Variants in HGD observed in about 807,000 individuals in gnomAD.
HGD encodes homogentisate oxidase.
In HGD, 61 loss-of-function variants were observed where a neutral mutation model predicts 60.8. The observed-to-expected ratio is 1.00, with a 90% CI of 0.82 to 1.24. The LOEUF (loss-of-function observed/expected upper bound fraction) is 1.24. Ranked by LOEUF, HGD falls within the 50% of genes most tolerant of loss-of-function variation. The probability of loss-of-function intolerance (pLI) is 0.00; values close to 1 mark genes in which losing one functional copy is unlikely to be tolerated. For synonymous variants in HGD, 212 were observed against 187.7 expected (o/e 1.13, Z -1.06); for missense variants, 542 against 547.1 (o/e 0.99, Z 0.09).
intron 4 of HGD, among the ~76,000 whole-genome samples, chr3:120,657,408 G>T (rs1287701791): frequency 6.6e-6 from 1 of 152,112 alleles, no homozygotes; most frequent in African/African-American, 2.4e-5. Context: ...TGAACTAGAT[G>T]ATCCAAGTAT....
intron 6 of HGD, among the ~76,000 whole-genome samples, chr3:120,649,989 A>G (rs185639810): frequency 2.3e-4 from 35 of 152,326 alleles, no homozygotes; most frequent in Non-Finnish European, 3.8e-4. Flanking sequence ...TGGGAAACAA[A>G]TAATCTAAGA....
At chr3:120,658,336 G>T (rs569598483) in intron 4 of HGD, among the ~76,000 whole-genome samples, 10 of 152,274 alleles carry the variant, frequency 6.6e-5, no homozygotes, top group Admixed American at 2.6e-4. Context: ...AGAACAAAGG[G>T]TCTATAGGCC....
Position 120,630,305 on chromosome 3 carries a change from C to T in HGD, c.1189-1776G>A, listed in dbSNP as rs1203343153. On this transcript the variant is annotated intron_variant, in intron 13 of 13. Transcript: ENST00000283871. ...AATTCATATGGAACCAAAAAAGAGC[C>T]CAAATACCCAAGGCTATCCTAAGCA... 2.6e-5 allele frequency among the ~76,000 whole-genome samples: 4 copies of T among 152,048 alleles called. No homozygotes were observed. The East Asian group carries it at 7.7e-4, about 29-fold the overall frequency.
rs750651924 is a variant in HGD at position 120,633,266 on chromosome 3, A to T, written c.1069T>A (p.Phe357Ile). The change falls in exon 13 of 14, where the codon TTC becomes ATC. Residue 357 changes from phenylalanine (F) to isoleucine (I), a missense_variant. Transcript: ENST00000283871. The stretch of plus-strand genomic sequence containing the variant: ...TGTAGACTCCCTCCCCCTGGCAGGA[A>T]CCCACCTTGCTTTGCCTCATAGTGA... ...RGHYEAKQGG[F>I]LPGGGSLHST... is the part of the protein sequence containing the mutation. 2 of 1,614,046 alleles carry T rather than the reference A, an allele frequency of 1.2e-6. No homozygotes were observed. Among genetic ancestry groups the T allele is most frequent in the Middle Eastern group, 1.6e-4 (1 of 6,062 alleles).
intron 4 of HGD, among the ~76,000 whole-genome samples, chr3:120,658,895 G>A (rs976677033): frequency 2.0e-5 from 3 of 152,236 alleles, no homozygotes; most frequent in African/African-American, 7.2e-5. Context: ...GGATCCCTTT[G>A]AGCCACAGGA....
In HGD at chr3:120,670,441, G is replaced by C. The variant is rs1231283437; in HGVS notation, c.268C>G (p.Pro90Ala). The change falls in exon 4 of 14, where the codon CCT (proline) becomes GCT (alanine). Residue 90 changes from proline (P) to alanine (A), a missense_variant. Pro to Ala is a conservative substitution (Grantham distance 27, BLOSUM62 -1). Coordinates refer to ENST00000283871, the MANE Select transcript of HGD (RefSeq NM_000187.4). ...GACCAGGTTACCTGGTTAGGATCAG[G>C]ATCAACTTCATCCCAGTTGTGAGTG... ...QVTHNWDEVDPDPNQLRWKPF... is the reference protein window; with the variant it reads ...QVTHNWDEVDADPNQLRWKPF... The C allele has an allele frequency of 6.3e-7, 1 of 1,582,358 alleles. No homozygotes were observed. The highest frequency in any genetic ancestry group is 8.7e-7 in the Non-Finnish European group (1 of 1,151,242).
At chr3:120,655,227 C>A (rs1298016981) in intron 4 of HGD, among the ~76,000 whole-genome samples, 4 of 152,144 alleles carry the variant, frequency 2.6e-5, no homozygotes, top group Non-Finnish European at 5.9e-5. Flanking sequence ...ACCAGGTCAG[C>A]TGGTCATTTT....
At chr3:120,645,755 A>C (rs951176055) in intron 9 of HGD, among the ~76,000 whole-genome samples, 2 of 152,114 alleles carry the variant, frequency 1.3e-5, no homozygotes, top group Non-Finnish European at 2.9e-5. Flanking sequence ...TTCCCATTTT[A>C]TACAATATGC....
At chr3:120,647,094 T>C in intron 7 of HGD, 42 bp from the exon 8 acceptor site, 1 of 1,473,730 alleles carries the variant, frequency 6.8e-7, no homozygotes, top group Non-Finnish European at 9.5e-7. Flanking sequence ...ATTCTTTTGG[T>C]GTGATAACCA....
At chr3:120,665,361 A>G (rs1707875680) in intron 4 of HGD, among the ~76,000 whole-genome samples, 1 of 152,222 alleles carries the variant, frequency 6.6e-6, no homozygotes, top group African/African-American at 2.4e-5. Flanking sequence ...TCAACAATCA[A>G]GAGGTTAGAA....
intron 6 of HGD, among the ~76,000 whole-genome samples, chr3:120,648,129 G>A (rs1325487536): frequency 6.6e-6 from 1 of 151,958 alleles, no homozygotes; most frequent in Non-Finnish European, 1.5e-5. Flanking sequence ...TTTGCAGACT[G>A]TAATGACCCT....
At chr3:120,670,031 T>G (rs753636247) in intron 4 of HGD, among the ~76,000 whole-genome samples, 10 of 152,166 alleles carry the variant, frequency 6.6e-5, no homozygotes, top group Non-Finnish European at 1.2e-4. Flanking sequence ...ACCCTCATGA[T>G]AGTGAGTTCT....
At chr3:120,670,022 C>T (rs541099870) in intron 4 of HGD, among the ~76,000 whole-genome samples, 4 of 152,168 alleles carry the variant, frequency 2.6e-5, no homozygotes, top group South Asian at 4.1e-4. Flanking sequence ...GGGATGGTTA[C>T]CCTCATGATA....
intron 4 of HGD, among the ~76,000 whole-genome samples, chr3:120,658,002 AG>A (rs1480479217): frequency 6.6e-6 from 1 of 152,168 alleles, no homozygotes; most frequent in African/African-American, 2.4e-5. Flanking sequence ...ACCTCCTGCC[AG>A]GCCCCACCTC....
chr3:120,665,908 C>T (rs1397154958), intron 4 of HGD, among the ~76,000 whole-genome samples: 1 of 152,168 alleles, frequency 6.6e-6, no homozygotes, highest in East Asian at 1.9e-4. Context: ...CAGAGGGTGC[C>T]TAAATATAAT....
chr3:120,674,419 A>G (rs1046351271), intron 3 of HGD, among the ~76,000 whole-genome samples: 2 of 152,190 alleles, frequency 1.3e-5, no homozygotes, highest in Non-Finnish European at 2.9e-5. Context: ...TTCAAACCAC[A>G]GTGGGCCATA....
At chr3:120,668,766 T>C (rs1049154665) in intron 4 of HGD, among the ~76,000 whole-genome samples, 2 of 152,184 alleles carry the variant, frequency 1.3e-5, no homozygotes, top group Non-Finnish European at 2.9e-5. Flanking sequence ...ATCATCCCAT[T>C]TTACAATTGA....
At chr3:120,675,717 G>A (rs1451707223) in intron 2 of HGD, 75 bp downstream of exon 2, 1 of 1,135,236 alleles carries the variant, frequency 8.8e-7, no homozygotes, top group Non-Finnish European at 1.3e-6. Flanking sequence ...ACGGTGGGTG[G>A]AGGCACTTTG....
At position 120,674,977 on chromosome 3, in the gene HGD, C is replaced by T. The variant is rs770953681; in HGVS notation, c.100G>A (p.Val34Ile). ...SLPEGQNNPQ[V>I]CPYNLYAEQL... ...TCAGCATAGAGATTGTAGGGGCAGACCTGAGGATTATTCTGAAACAAAGGA... is the reference window on the plus strand; with the variant it reads ...TCAGCATAGAGATTGTAGGGGCAGATCTGAGGATTATTCTGAAACAAAGGA... The change falls in exon 3 of 14, where the codon GTC becomes ATC. Residue 34 changes from valine to isoleucine, a missense_variant. Val to Ile is a conservative substitution (Grantham distance 29, BLOSUM62 3). Transcript: ENST00000283871. 2.5e-6 allele frequency: 4 copies of T among 1,610,074 alleles called. No homozygotes were observed. In the African/African-American group the frequency reaches 5.4e-5, roughly 22 times the overall value.
Sources: allele counts gnomAD v4.1 joint callset (sites outside exome capture counted in the v4.1 genomes callset), GRCh38; gene constraint gnomAD v4.1.1; transcripts MANE v1.5; gene names NCBI Gene and HGNC (gene_info 2026-07-23, HGNC 2026-07-21).